The following TXLNB variants were observed in gnomAD, a reference collection of about 807,000 sequenced individuals.
TXLNB encodes the protein beta-taxilin.
In TXLNB, 37 loss-of-function variants were observed where a neutral mutation model predicts 57.4. The observed-to-expected ratio is 0.64, with a 90% confidence interval of 0.50 to 0.85. The LOEUF (loss-of-function observed/expected upper bound fraction) is 0.85. Ranked by LOEUF, TXLNB falls within the 40% of genes least tolerant of loss-of-function variation. The pLI is 0.00. For synonymous variants in TXLNB, 302 were observed against 309.6 expected, an observed-to-expected ratio of 0.98 and a Z score of 0.26; for missense variants, 848 against 825.6, an observed-to-expected ratio of 1.03 and a Z score of -0.33.
chr6:139,270,350 C>A, intron 4 of TXLNB, 106 bp downstream of exon 4: 1 of 1,131,234 alleles, frequency 8.8e-7, no homozygotes. Context: ...AGTATTTGAA[C>A]CCAAGCCTCT....
rs1775948993 is a variant in TXLNB, at chr6:139,242,105, C to T, written c.*421G>A. ...TGTATATGTATAGTTTAAATGTAAC[C>T]TGGGCATCCATAAATTACTATGGAA... is the stretch of plus-strand genomic sequence containing the variant. On this transcript the variant is annotated 3_prime_UTR_variant, in exon 10 of 10. Transcript: ENST00000358430. 1 of 154,714 alleles carries T rather than the reference C, an allele frequency of 6.5e-6. No homozygotes were observed. Among genetic ancestry groups the T allele is most frequent in the East Asian group, 1.9e-4 (1 of 5,242 alleles). 9.6% of individuals were successfully genotyped at this position (154,714 alleles called of 1,614,324 possible).
At chr6:139,181,913 T>C in the TXLNB span, among the ~76,000 whole-genome samples, 2 of 152,228 alleles carry the variant, frequency 1.3e-5, no homozygotes, top group Non-Finnish European at 2.9e-5. Context: ...ACAATAAACA[T>C]ACAATTTTAA....
chr6:139,213,443 C>T, the TXLNB span, among the ~76,000 whole-genome samples: 1 of 152,098 alleles, frequency 6.6e-6, no homozygotes, highest in African/African-American at 2.4e-5. Flanking sequence ...AACAAAGACA[C>T]AACATATCAA....
In TXLNB at chr6:139,255,631, T is replaced by C; in HGVS notation, c.1010A>G (p.Asn337Ser). Reference protein sequence around the residue: ...RHKREKEYLLNQAAEWKLQAK... With the variant: ...RHKREKEYLLSQAAEWKLQAK... ...CTGAAGTTTCCACTCTGCTGCCTGG[T>C]TCAGCAACTATGAGAAGAGAGAGTG... Residue 337 changes from asparagine (N) to serine (S), a missense_variant, in exon 7 of 10, where the codon AAC becomes AGC. By Grantham distance (46) the Asn-to-Ser change is conservative (BLOSUM62 1). Transcript: ENST00000358430. 6.2e-7 allele frequency: 1 copy of C among 1,613,528 alleles called. No individual in the cohort carries two copies. The highest frequency in any genetic ancestry group is 8.5e-7 in the Non-Finnish European group (1 of 1,179,552).
At chr6:139,258,214 C>T (rs1484552669) in intron 6 of TXLNB, among the ~76,000 whole-genome samples, 1 of 152,184 alleles carries the variant, frequency 6.6e-6, no homozygotes, top group Non-Finnish European at 1.5e-5. Context: ...CTCTTTGACT[C>T]AAATCTGTTT....
chr6:139,256,765 A>G (rs1402009894), intron 6 of TXLNB, among the ~76,000 whole-genome samples: 1 of 152,256 alleles, frequency 6.6e-6, no homozygotes, highest in East Asian at 1.9e-4. Context: ...TCTAACATGC[A>G]TCAGAATCTC....
the TXLNB span, among the ~76,000 whole-genome samples, chr6:139,205,897 A>C: frequency 6.6e-6 from 1 of 152,222 alleles, no homozygotes; most frequent in Admixed American, 6.5e-5. Context: ...AGTCAAGATG[A>C]AGGAAAGAAT....
the TXLNB span, among the ~76,000 whole-genome samples, chr6:139,232,442 T>C: frequency 6.6e-6 from 1 of 152,240 alleles, no homozygotes; most frequent in Middle Eastern, 3.2e-3. Context: ...TACTCTCATC[T>C]AATATATATT....
At chr6:139,191,663 TATTTC>T in the TXLNB span, among the ~76,000 whole-genome samples, 1 of 152,204 alleles carries the variant, frequency 6.6e-6, no homozygotes, top group African/African-American at 2.4e-5. Flanking sequence ...CTGTTTCACA[TATTTC>T]AACAAATGAT....
At chr6:139,321,673 C>T in the TXLNB span, among the ~76,000 whole-genome samples, 1 of 143,234 alleles carries the variant, frequency 7.0e-6, no homozygotes, top group Non-Finnish European at 1.5e-5. Flanking sequence ...AGTCTGTTGC[C>T]CAGGCTGGAG....
the TXLNB span, among the ~76,000 whole-genome samples, chr6:139,161,196 G>A: frequency 6.6e-6 from 1 of 152,118 alleles, no homozygotes; most frequent in Non-Finnish European, 1.5e-5. Context: ...GGTCCACCCT[G>A]TTACCCCATT....
chr6:139,255,625 GC>G lies in TXLNB; in HGVS notation c.1015del (p.Ala339GlnfsTer11). On this transcript the variant is annotated frameshift_variant, in exon 7 of 10. Transcript: ENST00000358430. LOFTEE classifies it high-confidence loss of function. ...TTTCGCCTGAAGTTTCCACTCTGCT[GC>G]CTGGTTCAGCAACTATGAGAAGAGA... ...KREKEYLLNQ[A>X]AEWKLQAKVL... 1 of 1,613,672 alleles carries G rather than the reference GC, an allele frequency of 6.2e-7. No individual in the cohort carries two copies. Among genetic ancestry groups the G allele is most frequent in the Non-Finnish European group, 8.5e-7 (1 of 1,179,702 alleles).
intron 7 of TXLNB, among the ~76,000 whole-genome samples, chr6:139,248,151 G>T (rs1776110640): frequency 1.3e-5 from 2 of 152,236 alleles, no homozygotes; most frequent in South Asian, 4.2e-4. Context: ...AAGGCAGATG[G>T]ATCACCTGAG....
At chr6:139,293,965 C>G (rs1777347525), upstream of TXLNB, among the ~76,000 whole-genome samples, 1 of 152,102 alleles carries the variant, frequency 6.6e-6, no homozygotes, top group Non-Finnish European at 1.5e-5. Context: ...TAAATATAAA[C>G]AAGTCAGTGC....
chr6:139,307,589 A>G, the TXLNB span, among the ~76,000 whole-genome samples: 1 of 152,172 alleles, frequency 6.6e-6, no homozygotes, highest in South Asian at 2.1e-4. Context: ...TGCCCTTTCA[A>G]TTATTTTCAT....
chr6:139,221,831 G>T, the TXLNB span, among the ~76,000 whole-genome samples: 9 of 152,132 alleles, frequency 5.9e-5, no homozygotes, highest in Non-Finnish European at 1.3e-4. Context: ...AGGAGTAAAG[G>T]ATTAGATGGC....
downstream of TXLNB, chr6:139,237,239 C>T (rs1405025258): frequency 6.6e-6 from 1 of 152,126 alleles, no homozygotes; most frequent in Non-Finnish European, 1.5e-5. Context: ...CAGTGGCTCA[C>T]ACCTGTAATT....
chr6:139,286,338 T>C (rs555591465), intron 2 of TXLNB, among the ~76,000 whole-genome samples: 2 of 150,422 alleles, frequency 1.3e-5, no homozygotes, highest in South Asian at 4.3e-4. Context: ...CTTATTCCTC[T>C]TTCCCTTGAA....
the TXLNB span, among the ~76,000 whole-genome samples, chr6:139,232,996 G>T: frequency 6.6e-6 from 1 of 152,092 alleles, no homozygotes; most frequent in Non-Finnish European, 1.5e-5. Context: ...ATGTATGAAT[G>T]CTGGGTATTT....
Sources: gnomAD v4.1 joint callset for allele counts (sites outside exome capture counted in the v4.1 genomes callset) on GRCh38, gnomAD v4.1.1 for gene constraint, MANE v1.5 for transcripts, NCBI Gene and HGNC (gene_info 2026-07-23, HGNC 2026-07-21) for gene names.